The following NCOA1 variants were observed in gnomAD, a reference collection of about 807,000 sequenced individuals.
The protein encoded by NCOA1 is Hin-2 protein.
A neutral mutation model predicts 150.9 loss-of-function variants in NCOA1; 35 were observed. The ratio of observed to expected loss-of-function variants is 0.23; its 90% CI spans 0.18 to 0.31. NCOA1 has a LOEUF of 0.31. Among genes scored for constraint, NCOA1 ranks in the 10% least tolerant of loss-of-function variants. The pLI is 1.00. For missense variants in NCOA1, 1,491 were observed against 1,749.3 expected (o/e 0.85, Z 2.63); for synonymous variants, 590 against 630.0 (o/e 0.94, Z 0.95).
At chr2:24,525,036 G>A (rs1664590871) in intron 1 of NCOA1, among the ~76,000 whole-genome samples, 1 of 152,182 alleles carries the variant, frequency 6.6e-6, no homozygotes, top group Admixed American at 6.5e-5. Flanking sequence ...ACTATGGTGT[G>A]GGGAGCCTTA....
At chr2:24,709,879 G>A (rs1673646199) in intron 13 of NCOA1, among the ~76,000 whole-genome samples, 1 of 152,220 alleles carries the variant, frequency 6.6e-6, no homozygotes, top group South Asian at 2.1e-4. Context: ...AAATGTAACA[G>A]TGCCCAAACT....
At chr2:24,522,802 A>G (rs1664470856) in intron 1 of NCOA1, among the ~76,000 whole-genome samples, 1 of 152,218 alleles carries the variant, frequency 6.6e-6, no homozygotes, top group Non-Finnish European at 1.5e-5. Context: ...CTAATACAAC[A>G]TTATTATTAG....
chr2:24,758,285 A>C, intron 21 of NCOA1, 129 bp downstream of exon 21: 5 of 870,860 alleles, frequency 5.7e-6, no homozygotes, highest in Non-Finnish European at 1.6e-6. Flanking sequence ...ACTTTTAATA[A>C]TTACTGGCTC....
intron 1 of NCOA1, chr2:24,555,935 G>C (rs996990811): frequency 6.6e-6 from 1 of 152,106 alleles, no homozygotes; most frequent in Non-Finnish European, 1.5e-5. Context: ...ATTGATGTTT[G>C]GATTTAAATG....
intron 1 of NCOA1, among the ~76,000 whole-genome samples, chr2:24,518,044 TA>T (rs1437768835): frequency 6.6e-6 from 1 of 152,122 alleles, no homozygotes; most frequent in Non-Finnish European, 1.5e-5. Context: ...ACATAACTAG[TA>T]ATAACAACCA....
chr2:24,705,038 C>A, intron 11 of NCOA1, 48 bp from the exon 12 acceptor site: 2 of 1,581,828 alleles, frequency 1.3e-6, no homozygotes, highest in Non-Finnish European at 1.7e-6. Flanking sequence ...TTAAAGCCAG[C>A]GTATAAGTAT....
At chr2:24,747,434 A>T (rs567359163) in intron 19 of NCOA1, among the ~76,000 whole-genome samples, 1 of 143,688 alleles carries the variant, frequency 7.0e-6, no homozygotes, top group Non-Finnish European at 1.5e-5. Context: ...GTCTCAAGTG[A>T]TCCTCCCACC....
intron 3 of NCOA1, among the ~76,000 whole-genome samples, chr2:24,626,749 T>C (rs1366224886): frequency 1.3e-5 from 2 of 152,194 alleles, no homozygotes; most frequent in Non-Finnish European, 2.9e-5. Context: ...TATGAAATCA[T>C]TGATTTCTGA....
intron 3 of NCOA1, among the ~76,000 whole-genome samples, chr2:24,617,847 A>C (rs1331973437): frequency 6.6e-6 from 1 of 152,144 alleles, no homozygotes; most frequent in African/African-American, 2.4e-5. Context: ...AGTCATAATC[A>C]CTGCATTTCT....
chr2:24,720,889 T>G (rs1674329148), intron 14 of NCOA1, among the ~76,000 whole-genome samples: 1 of 152,160 alleles, frequency 6.6e-6, no homozygotes, highest in Non-Finnish European at 1.5e-5. Context: ...CCCAGGAAAA[T>G]CAAGCACCTT....
intron 17 of NCOA1, 127 bp from the exon 18 acceptor site, chr2:24,739,305 G>C (rs985933042): frequency 9.1e-6 from 6 of 660,582 alleles, no homozygotes; most frequent in Admixed American, 2.7e-5. Flanking sequence ...ATAAACATAG[G>C]AAATAATCTA....
chr2:24,507,742 T>C (rs1328498888), intron 1 of NCOA1, among the ~76,000 whole-genome samples: 3 of 152,186 alleles, frequency 2.0e-5, no homozygotes, highest in Non-Finnish European at 2.9e-5. Context: ...TGTAACTGAT[T>C]GTTATTTCTC....
At chr2:24,494,507 C>A (rs571635901) in intron 1 of NCOA1, among the ~76,000 whole-genome samples, 20 of 152,120 alleles carry the variant, frequency 1.3e-4, no homozygotes, top group Admixed American at 4.6e-4. Context: ...ACGCACAACA[C>A]GGAGTAAAAT....
At chr2:24,732,155 G>A (rs1663047726) in intron 17 of NCOA1, among the ~76,000 whole-genome samples, 1 of 152,148 alleles carries the variant, frequency 6.6e-6, no homozygotes, top group Non-Finnish European at 1.5e-5. Context: ...AGTTGTTTTG[G>A]CTTCCATTTG....
chr2:24,705,700 C>G (rs1174308109), intron 12 of NCOA1, among the ~76,000 whole-genome samples: 1 of 152,028 alleles, frequency 6.6e-6, no homozygotes, highest in Admixed American at 6.6e-5. Context: ...AATTTGTTCC[C>G]CTAAGTATGT....
chr2:24,751,349 A>G (rs1478669433), intron 19 of NCOA1, among the ~76,000 whole-genome samples: 1 of 150,646 alleles, frequency 6.6e-6, no homozygotes, highest in Non-Finnish European at 1.5e-5. Flanking sequence ...TTGGGAGGCC[A>G]AGGCGGGTGG....
chr2:24,741,551 A>G (rs1205197149), intron 18 of NCOA1, among the ~76,000 whole-genome samples: 2 of 151,894 alleles, frequency 1.3e-5, no homozygotes, highest in African/African-American at 4.8e-5. Context: ...ATGGTCAGAT[A>G]TTGTTTAGCA....
intron 3 of NCOA1, among the ~76,000 whole-genome samples, chr2:24,615,722 TAC>T (rs1668845288): frequency 6.6e-6 from 1 of 152,306 alleles, no homozygotes; most frequent in Admixed American, 6.5e-5. Context: ...ATCAGATAGA[TAC>T]ATACACAGTT....
chr2:24,658,826 T>C (rs1434748707), intron 5 of NCOA1, 60 bp downstream of exon 5: 1 of 1,441,360 alleles, frequency 6.9e-7, no homozygotes, highest in Non-Finnish European at 9.7e-7. Context: ...TCACTGCCAC[T>C]TCAGAGCTTT....
Sources: allele counts gnomAD v4.1 joint callset (sites outside exome capture counted in the v4.1 genomes callset), GRCh38; gene constraint gnomAD v4.1.1; transcripts MANE v1.5; gene names NCBI Gene and HGNC (gene_info 2026-07-23, HGNC 2026-07-21).